Variants in INPP4B observed in about 807,000 individuals in gnomAD.
INPP4B encodes the protein inositol polyphosphate-4-phosphatase type II B, also known as inositol polyphosphate 4-phosphatase type II.
A neutral mutation model predicts 122.5 loss-of-function variants in INPP4B; 55 were observed. That is an observed-to-expected ratio of 0.45 (90% CI 0.36 to 0.56). The LOEUF is 0.56. Ranked by LOEUF, INPP4B falls within the 20% of genes least tolerant of loss-of-function variation. The pLI is 0.00. For synonymous variants in INPP4B, 403 were observed against 388.7 expected, an observed-to-expected ratio of 1.04 and a Z score of -0.43; for missense variants, 1,000 against 1,097.7, an observed-to-expected ratio of 0.91 and a Z score of 1.26.
intron 2 of INPP4B, among the ~76,000 whole-genome samples, chr4:142,613,398 T>C (rs1742998669): frequency 6.6e-6 from 1 of 152,186 alleles, no homozygotes; most frequent in African/African-American, 2.4e-5. Context: ...TAAAATAGTT[T>C]GGAGATTACA....
chr4:142,711,722 AG>A (rs1763139419), intron 2 of INPP4B, among the ~76,000 whole-genome samples: 1 of 152,208 alleles, frequency 6.6e-6, no homozygotes. Flanking sequence ...TCATGAGGAC[AG>A]AGCCTTTATG....
At chr4:142,329,654 G>A (rs972593514) in intron 7 of INPP4B, among the ~76,000 whole-genome samples, 1 of 152,082 alleles carries the variant, frequency 6.6e-6, no homozygotes, top group African/African-American at 2.4e-5. Context: ...TAGATATGCA[G>A]GTTTTTAGAG....
At chr4:142,279,060 A>G (rs1357303154) in intron 9 of INPP4B, among the ~76,000 whole-genome samples, 1 of 151,976 alleles carries the variant, frequency 6.6e-6, no homozygotes, top group East Asian at 1.9e-4. Context: ...AGTAGATCCA[A>G]AATAAATAAA....
At chr4:142,066,793 C>T (rs9997646) in intron 25 of INPP4B, among the ~76,000 whole-genome samples, 3,777 of 152,176 alleles carry the variant, frequency 0.025, 172 homozygotes, top group African/African-American at 0.087. Context: ...CTGCCATTGC[C>T]GAGGCTTCAG....
chr4:142,605,062 C>T (rs140164134), intron 2 of INPP4B, among the ~76,000 whole-genome samples: 199 of 152,072 alleles, frequency 1.3e-3, no homozygotes, highest in African/African-American at 4.7e-3. Flanking sequence ...AGAAATAAAT[C>T]CACATATTTA....
At position 142,076,822 on chromosome 4, in the gene INPP4B, T is replaced by A. The variant is rs1771010577; in HGVS notation, c.2642+5209A>T. On this transcript the variant is annotated intron_variant, in intron 25 of 25. Transcript: ENST00000262992. ...TTATACTTCTCTTTAATATTTGAAA[T>A]AGGATATAATATGAAATAATAGCAG... 3.3e-5 allele frequency among the ~76,000 whole-genome samples: 5 copies of A among 152,148 alleles called. No individual in the cohort carries two copies. The South Asian group carries it at 8.3e-4, about 25-fold the overall frequency.
At chr4:142,461,426 GA>G (rs1376894601) in intron 3 of INPP4B, among the ~76,000 whole-genome samples, 1 of 152,160 alleles carries the variant, frequency 6.6e-6, no homozygotes, top group Non-Finnish European at 1.5e-5. Context: ...TGCTAATGTT[GA>G]AAATTATTTA....
chr4:142,250,385 G>A (rs556142805), intron 11 of INPP4B, among the ~76,000 whole-genome samples: 2 of 152,316 alleles, frequency 1.3e-5, no homozygotes, highest in African/African-American at 2.4e-5. Context: ...CACTCAGTAA[G>A]TACTTCATAA....
At position 142,354,485 on chromosome 4, in the gene INPP4B, TGGG is replaced by T. The variant is rs1288729299; in HGVS notation, c.373-39726_373-39724del. On this transcript the variant is annotated intron_variant, in intron 7 of 25. Transcript: ENST00000262992. ...TCCATTCGGTACCTTTTATCTATCTTGGGCATTTAAGGAATAAACCGGCCAGAA... is the reference window on the plus strand; with the variant it reads ...TCCATTCGGTACCTTTTATCTATCTTCATTTAAGGAATAAACCGGCCAGAA... Among the ~76,000 whole-genome samples the T allele has an allele frequency of 2.6e-5, 4 of 151,984 alleles. No individual in the cohort carries two copies. The East Asian group carries it at 5.8e-4, about 22-fold the overall frequency.
In INPP4B at chr4:142,245,997, T is replaced by C. The variant is rs1427195957; in HGVS notation, c.689-7986A>G. 6.3e-3 allele frequency among the ~76,000 whole-genome samples: 850 copies of C among 134,700 alleles called. 63 individuals are homozygous for C. The highest frequency in any genetic ancestry group is 0.015 in the African/African-American group (519 of 33,512). 88.4% of individuals were successfully genotyped at this position (134,700 alleles called of 152,430 possible). A position where few individuals can be genotyped will look rare whatever the true frequency, so the allele number is the denominator to read the frequency against. ...ACATGTGTGTATGTATACATATATA[T>C]GTGTATGTATACACACATGTGTGTA... On this transcript the variant is annotated intron_variant, in intron 11 of 25. Transcript: ENST00000262992.
chr4:142,652,521 G>C (rs1753205936), intron 2 of INPP4B, among the ~76,000 whole-genome samples: 1 of 152,144 alleles, frequency 6.6e-6, no homozygotes, highest in Non-Finnish European at 1.5e-5. Context: ...CTTCAGCAAA[G>C]TCTCAGGATA....
At chr4:142,075,954 T>C (rs929860862) in intron 25 of INPP4B, among the ~76,000 whole-genome samples, 125 of 152,234 alleles carry the variant, frequency 8.2e-4, no homozygotes, top group African/African-American at 2.9e-3. Flanking sequence ...ATTTCCATTG[T>C]ATTATTTTAT....
At chr4:142,465,335 G>A (rs1817572713) in intron 2 of INPP4B, among the ~76,000 whole-genome samples, 1 of 152,030 alleles carries the variant, frequency 6.6e-6, no homozygotes, top group Admixed American at 6.6e-5. Context: ...GAAGTGTATA[G>A]TCACCTTAAA....
chr4:142,644,327 G>A (rs13114452), intron 2 of INPP4B, among the ~76,000 whole-genome samples: 88,459 of 151,264 alleles, frequency 0.58, 26,836 homozygotes, highest in East Asian at 0.79. Flanking sequence ...GGAGGAGGGC[G>A]AGAAGGAGGA....
At chr4:142,548,054 T>C (rs1476121) in intron 2 of INPP4B, among the ~76,000 whole-genome samples, 144,713 of 152,258 alleles carry the variant, frequency 0.95, 69,235 homozygotes, top group East Asian at 1. Context: ...ACACTTGAGG[T>C]GGGAAAATAG....
intron 23 of INPP4B, among the ~76,000 whole-genome samples, chr4:142,092,154 C>A (rs979196436): frequency 2.0e-5 from 3 of 152,200 alleles, no homozygotes; most frequent in Admixed American, 6.5e-5. Context: ...AGGAAAGGAA[C>A]CTCTTCTTAG....
At chr4:142,246,356 G>A (rs1028935292) in intron 11 of INPP4B, among the ~76,000 whole-genome samples, 1 of 152,024 alleles carries the variant, frequency 6.6e-6, no homozygotes. Context: ...ACTTGATGGG[G>A]ATAGCATTGA....
At chr4:142,088,110 T>G (rs1282024142) in intron 23 of INPP4B, among the ~76,000 whole-genome samples, 1 of 152,094 alleles carries the variant, frequency 6.6e-6, no homozygotes, top group Non-Finnish European at 1.5e-5. Flanking sequence ...CATTGTGAGG[T>G]AGAAGGTTCT....
At chr4:142,448,809 T>C (rs1244667867) in intron 3 of INPP4B, among the ~76,000 whole-genome samples, 1 of 152,020 alleles carries the variant, frequency 6.6e-6, no homozygotes, top group East Asian at 1.9e-4. Flanking sequence ...GTAACATAAA[T>C]AAATAAATAA....
Sources: gnomAD v4.1 joint callset for allele counts (sites outside exome capture counted in the v4.1 genomes callset) on GRCh38, gnomAD v4.1.1 for gene constraint, MANE v1.5 for transcripts, NCBI Gene and HGNC (gene_info 2026-07-23, HGNC 2026-07-21) for gene names.